The following RNGTT variants were observed in gnomAD, a reference collection of about 807,000 sequenced individuals.
RNGTT encodes the protein mRNA-capping enzyme.
A neutral mutation model predicts 79.3 loss-of-function variants in RNGTT; 33 were observed. The ratio of observed to expected loss-of-function variants is 0.42; its 90% CI spans 0.32 to 0.56. RNGTT has a LOEUF of 0.56. RNGTT is among the 20% of genes least tolerant of loss of function. The pLI is 0.17. For missense variants in RNGTT, 497 were observed against 739.1 expected (o/e 0.67, Z 3.80); for synonymous variants, 222 against 235.9 (o/e 0.94, Z 0.54).
chr6:88,831,374 C>T (rs572580192), intron 11 of RNGTT, among the ~76,000 whole-genome samples: 4 of 152,128 alleles, frequency 2.6e-5, no homozygotes, highest in East Asian at 3.9e-4. Context: ...AAAAGGCCTT[C>T]GATAAAATTC....
intron 13 of RNGTT, among the ~76,000 whole-genome samples, chr6:88,704,257 C>A (rs1776045917): frequency 1.2e-4 from 4 of 33,990 alleles, no homozygotes; most frequent in Admixed American, 5.5e-4. Context: ...GAGACTCTGT[C>A]TCAAAAAAAA....
intron 13 of RNGTT, among the ~76,000 whole-genome samples, chr6:88,763,124 T>G (rs1778327444): frequency 6.9e-6 from 1 of 144,084 alleles, no homozygotes; most frequent in Admixed American, 7.0e-5. Context: ...GTATTTCTTG[T>G]TAGAAATGGG....
At chr6:88,771,905 C>T (rs116928755) in intron 12 of RNGTT, among the ~76,000 whole-genome samples, 1,718 of 152,164 alleles carry the variant, frequency 0.011, 16 homozygotes, top group Non-Finnish European at 0.017. Context: ...GGGTTAGGCA[C>T]GGTGGCTCAC....
intron 14 of RNGTT, among the ~76,000 whole-genome samples, chr6:88,640,098 G>A (rs1284904398): frequency 1.3e-5 from 2 of 152,210 alleles, no homozygotes; most frequent in Non-Finnish European, 1.5e-5. Flanking sequence ...CTATGCTGTA[G>A]ACATTAAACT....
intron 13 of RNGTT, among the ~76,000 whole-genome samples, chr6:88,725,374 T>C (rs890817028): frequency 5.3e-5 from 8 of 152,224 alleles, no homozygotes; most frequent in African/African-American, 1.9e-4. Flanking sequence ...GGTGAAGTAT[T>C]TCCTTGGTGG....
Position 88,782,500 on chromosome 6 carries a change from T to C in RNGTT, c.1339-12626A>G, listed in dbSNP as rs370625693. On this transcript the variant is annotated intron_variant, in intron 12 of 15. Transcript: ENST00000369485. Reference sequence around the variant, plus strand: ...TTGACACTGGTCTTGGCAACTATTTTCTGGATATAACACCAAAAGCACAGG... The same window carrying C: ...TTGACACTGGTCTTGGCAACTATTTCCTGGATATAACACCAAAAGCACAGG... 3.8e-4 allele frequency among the ~76,000 whole-genome samples: 57 copies of C among 151,152 alleles called. 2 individuals carry two copies. The highest frequency in any genetic ancestry group is 1.4e-3 in the African/African-American group (55 of 40,538).
At position 88,620,203 on chromosome 6, in the gene RNGTT, G is replaced by T. The variant is rs1002405016; in HGVS notation, c.1507-5808C>A. On this transcript the variant is annotated intron_variant, in intron 14 of 15. Coordinates refer to ENST00000369485, the MANE Select transcript of RNGTT (RefSeq NM_003800.5). Reference sequence around the variant, plus strand: ...GGAAGTTTCTCCTTCATGAATGGTGGTGTCTTCATGCCCTTCAGTCAGATA... The same window carrying T: ...GGAAGTTTCTCCTTCATGAATGGTGTTGTCTTCATGCCCTTCAGTCAGATA... Among the ~76,000 whole-genome samples, 3 of 152,196 alleles carry T rather than the reference G, an allele frequency of 2.0e-5. No homozygotes were observed. In the East Asian group the frequency reaches 5.8e-4, roughly 29 times the overall value.
At chr6:88,814,929 T>C (rs2127874409) in intron 11 of RNGTT, among the ~76,000 whole-genome samples, 1 of 152,320 alleles carries the variant, frequency 6.6e-6, no homozygotes, top group East Asian at 1.9e-4. Context: ...AATAGGTGTG[T>C]TGAGGAATTC....
intron 12 of RNGTT, among the ~76,000 whole-genome samples, chr6:88,780,615 T>G (rs1582452763): frequency 6.7e-6 from 1 of 149,210 alleles, no homozygotes; most frequent in Admixed American, 6.6e-5. Flanking sequence ...TAAATCTGAT[T>G]GTATGAGGTG....
At chr6:88,680,481 C>T (rs1464614903) in intron 13 of RNGTT, among the ~76,000 whole-genome samples, 4 of 152,098 alleles carry the variant, frequency 2.6e-5, no homozygotes, top group African/African-American at 9.7e-5. Flanking sequence ...GTGGCTCACA[C>T]CTGTAATCCC....
In RNGTT at chr6:88,739,326, C is replaced by T. The variant is rs114080915; in HGVS notation, c.1439+30448G>A. ...TACCCAGCAATTCACAGTTTAAACACTTCCAGCTGGTAAGTGTTTTTTTGA... is the reference window on the plus strand; with the variant it reads ...TACCCAGCAATTCACAGTTTAAACATTTCCAGCTGGTAAGTGTTTTTTTGA... On this transcript the variant is annotated intron_variant, in intron 13 of 15. Coordinates refer to ENST00000369485, the MANE Select transcript of RNGTT (RefSeq NM_003800.5). 8.8e-3 allele frequency among the ~76,000 whole-genome samples: 1,332 copies of T among 152,144 alleles called. 20 individuals are homozygous for T. The highest frequency in any genetic ancestry group is 0.03 in the African/African-American group (1,249 of 41,514).
chr6:88,949,159 GAAAA>G, intron 1 of RNGTT, among the ~76,000 whole-genome samples: 28 of 50,512 alleles, frequency 5.5e-4, no homozygotes, highest in Non-Finnish European at 7.9e-4. Flanking sequence ...AAAATAAAAT[GAAAA>G]AAAAAAAAAA....
intron 11 of RNGTT, among the ~76,000 whole-genome samples, chr6:88,805,503 A>C: frequency 6.6e-6 from 1 of 152,312 alleles, no homozygotes; most frequent in East Asian, 1.9e-4. Flanking sequence ...CCTGGGAATA[A>C]ATCCATATGC....
At position 88,674,878 on chromosome 6, in the gene RNGTT, C is replaced by T. The variant is rs1774801485; in HGVS notation, c.1506+3475G>A. On this transcript the variant is annotated intron_variant, in intron 14 of 15. Coordinates refer to ENST00000369485, the MANE Select transcript of RNGTT (RefSeq NM_003800.5). ...GTGGGAGGCTGAAGTGGGCGGACTG[C>T]CTGAGGTCAGGAGTTCAAGACCAGT... Among the ~76,000 whole-genome samples the T allele has an allele frequency of 2.6e-5, 4 of 152,194 alleles. No individual in the cohort carries two copies. The South Asian group carries it at 8.3e-4, about 32-fold the overall frequency.
intron 13 of RNGTT, among the ~76,000 whole-genome samples, chr6:88,694,405 C>T (rs1775585002): frequency 6.6e-6 from 1 of 151,604 alleles, no homozygotes; most frequent in Admixed American, 6.6e-5. Context: ...AAGTGAAAGG[C>T]CTACACACGA....
At chr6:88,778,475 A>G (rs894410633) in intron 12 of RNGTT, among the ~76,000 whole-genome samples, 2 of 152,126 alleles carry the variant, frequency 1.3e-5, no homozygotes, top group Non-Finnish European at 2.9e-5. Flanking sequence ...ATTCTAACAA[A>G]TTTTTAATTT....
At position 88,890,568 on chromosome 6, in the gene RNGTT, A is replaced by C. The variant is rs1713923249; in HGVS notation, c.823T>G (p.Ser275Ala). Residue 275 changes from serine to alanine, a missense_variant, in exon 8 of 16, where the codon TCC becomes GCC. Ser to Ala is a moderately conservative substitution (Grantham distance 99). This residue lies in a region of RNGTT where 440 missense variants were observed against 671.5 expected (regional missense o/e 0.66). Transcript: ENST00000369485. Reference protein sequence around the residue: ...GSGFPGAQPVSMDKQNIKLLD... With the variant: ...GSGFPGAQPVAMDKQNIKLLD... The stretch of plus-strand genomic sequence containing the variant: ...AGTTTAATATTTTGCTTGTCCATGG[A>C]AACAGGCTGTGCTCCAGGGAATCCA... 4 of 1,613,726 alleles carry C rather than the reference A, an allele frequency of 2.5e-6. No individual in the cohort carries two copies. The highest frequency in any genetic ancestry group is 3.4e-6 in the Non-Finnish European group (4 of 1,179,748).
At chr6:88,758,102 T>C (rs182199699) in intron 13 of RNGTT, among the ~76,000 whole-genome samples, 254 of 152,338 alleles carry the variant, frequency 1.7e-3, no homozygotes, top group African/African-American at 5.1e-3. Context: ...TTGTTTTTAC[T>C]TATTTGATAG....
rs369756045 is a variant in RNGTT at position 88,813,607 on chromosome 6, T to C, written c.1270-11975A>G. Among the ~76,000 whole-genome samples the C allele has an allele frequency of 1.3e-3, 196 of 152,334 alleles. 4 individuals carry two copies. In the South Asian group the frequency reaches 0.036, roughly 28 times the overall value. ...TAATTACCATATACAGTAGGGATTA[T>C]TGTGATTCCCATTTTAAAGGTGAAG... On this transcript the variant is annotated intron_variant, in intron 11 of 15. Transcript: ENST00000369485.
Sources: allele counts gnomAD v4.1 joint callset (sites outside exome capture counted in the v4.1 genomes callset), GRCh38; gene constraint gnomAD v4.1.1; regional missense constraint gnomAD v4.1.1; transcripts MANE v1.5; gene names NCBI Gene and HGNC (gene_info 2026-07-23, HGNC 2026-07-21).